GLCCI1: variants seen among roughly 807,000 people sequenced by gnomAD.
The protein encoded by GLCCI1 is glucocorticoid induced 1, also known as glucocorticoid-induced transcript 1 protein.
In GLCCI1, 24 loss-of-function variants were observed where a neutral mutation model predicts 52.2. The observed-to-expected ratio is 0.46, with a 90% CI of 0.33 to 0.65. The LOEUF (loss-of-function observed/expected upper bound fraction) is 0.65. Ranked by LOEUF, GLCCI1 falls within the 30% of genes least tolerant of loss-of-function variation. GLCCI1 has a pLI of 0.02. For missense variants in GLCCI1, 704 were observed against 701.5 expected, an observed-to-expected ratio of 1.00 and a Z score of -0.04; for synonymous variants, 310 against 276.5, an observed-to-expected ratio of 1.12 and a Z score of -1.20.
chr7:8,059,248 A>C (rs1026416409), intron 4 of GLCCI1, among the ~76,000 whole-genome samples: 11 of 152,206 alleles, frequency 7.2e-5, no homozygotes, highest in African/African-American at 1.9e-4. Context: ...ATGCATCAAT[A>C]AGAGACAAAA....
At chr7:7,994,011 G>A (rs1314772755) in intron 1 of GLCCI1, among the ~76,000 whole-genome samples, 1 of 152,052 alleles carries the variant, frequency 6.6e-6, no homozygotes, top group Non-Finnish European at 1.5e-5. Flanking sequence ...CTTTTGTTTG[G>A]CTATTGTCTT....
intron 5 of GLCCI1, among the ~76,000 whole-genome samples, chr7:8,064,703 TATTTTA>T (rs1216024716): frequency 1.3e-5 from 2 of 152,096 alleles, no homozygotes; most frequent in Non-Finnish European, 2.9e-5. Context: ...TATGGCTTTT[TATTTTA>T]TTTTTATTTT....
At chr7:8,014,487 G>A (rs1781336611) in intron 2 of GLCCI1, among the ~76,000 whole-genome samples, 1 of 152,160 alleles carries the variant, frequency 6.6e-6, no homozygotes, top group Non-Finnish European at 1.5e-5. Flanking sequence ...CAGTGAATAT[G>A]TTTGTTAATT....
intron 2 of GLCCI1, among the ~76,000 whole-genome samples, chr7:8,018,221 A>G (rs1457481388): frequency 1.3e-5 from 2 of 152,178 alleles, no homozygotes; most frequent in Non-Finnish European, 2.9e-5. Flanking sequence ...GTGATGAACC[A>G]CATAAAATAG....
chr7:7,980,591 T>G (rs1005877182), intron 1 of GLCCI1: 1 of 653,372 alleles, frequency 1.5e-6, no homozygotes. Context: ...GAGTCTATTT[T>G]TGGCCTAGGA....
At chr7:7,987,628 C>T (rs1780761651) in intron 1 of GLCCI1, among the ~76,000 whole-genome samples, 1 of 152,138 alleles carries the variant, frequency 6.6e-6, no homozygotes, top group Non-Finnish European at 1.5e-5. Context: ...CGCTCTGTTG[C>T]CCAGACTGGA....
rs193180769 is a variant in GLCCI1, at chr7:8,004,268, A to G, written c.609+209A>G. The stretch of plus-strand genomic sequence containing the variant: ...AGTTTTGAAATTCTTTAATACTTAA[A>G]TAGCACATCAGTCTATATTACATGG... On this transcript the variant is annotated intron_variant, in intron 2 of 7. Coordinates refer to ENST00000223145, the MANE Select transcript of GLCCI1 (RefSeq NM_138426.4). 17 of 490,030 alleles carry G rather than the reference A, an allele frequency of 3.5e-5. No individual in the cohort carries two copies. In the Admixed American group the frequency reaches 5.0e-4, roughly 14 times the overall value. The allele number at this position is 490,030 out of a possible 1,614,324, so 30.4% of individuals were successfully genotyped here. A position where few individuals can be genotyped will look rare whatever the true frequency, so the allele number is the denominator to read the frequency against.
intron 2 of GLCCI1, among the ~76,000 whole-genome samples, chr7:8,021,120 T>G (rs1317822211): frequency 3.3e-5 from 5 of 152,222 alleles, no homozygotes; most frequent in Admixed American, 6.5e-5. Context: ...GTTAACGGTT[T>G]TTTTGAATAT....
chr7:8,036,533 ACT>A (rs1479120411), intron 3 of GLCCI1, among the ~76,000 whole-genome samples: 1 of 152,228 alleles, frequency 6.6e-6, no homozygotes, highest in East Asian at 1.9e-4. Context: ...GATCATACTA[ACT>A]CTCCAGCAAT....
In GLCCI1 at chr7:8,031,774, C is replaced by A. The variant is rs1023736557; in HGVS notation, c.696+9205C>A. 3.3e-5 allele frequency among the ~76,000 whole-genome samples: 5 copies of A among 151,252 alleles called. No individual in the cohort carries two copies. In the East Asian group the frequency reaches 9.7e-4, roughly 29 times the overall value. On this transcript the variant is annotated intron_variant, in intron 3 of 7. Coordinates refer to ENST00000223145, the MANE Select transcript of GLCCI1 (RefSeq NM_138426.4). ...AAGATGGGAAAAGATAAAACAGTAA[C>A]AATAAGAGAGCTGGAATAGATATGT...
chr7:8,078,662 T>C (rs1051781990), intron 6 of GLCCI1: 1 of 152,062 alleles, frequency 6.6e-6, no homozygotes, highest in African/African-American at 2.4e-5. Flanking sequence ...AGGGCAAAGA[T>C]GAGGAGACAT....
intron 6 of GLCCI1, among the ~76,000 whole-genome samples, chr7:8,072,090 T>A (rs1254205421): frequency 6.6e-6 from 1 of 152,146 alleles, no homozygotes; most frequent in African/African-American, 2.4e-5. Flanking sequence ...ATATAGAAGA[T>A]TTTTATTATC....
At chr7:7,994,684 A>G (rs1158669132) in intron 1 of GLCCI1, among the ~76,000 whole-genome samples, 1 of 152,212 alleles carries the variant, frequency 6.6e-6, no homozygotes, top group Non-Finnish European at 1.5e-5. Context: ...TTTGGAGGGG[A>G]CATTCAAGTG....
At chr7:8,023,324 GC>G (rs1372174512) in intron 3 of GLCCI1, among the ~76,000 whole-genome samples, 3 of 151,998 alleles carry the variant, frequency 2.0e-5, no homozygotes, top group Non-Finnish European at 4.4e-5. Flanking sequence ...ATGATATCCA[GC>G]ATATTGTTGC....
chr7:8,031,138 A>G (rs1003833596), intron 3 of GLCCI1, among the ~76,000 whole-genome samples: 1 of 152,176 alleles, frequency 6.6e-6, no homozygotes, highest in African/African-American at 2.4e-5. Context: ...GAAGCAGCCT[A>G]AGTGTCCGTC....
chr7:7,981,939 A>G (rs12537880), intron 1 of GLCCI1: 67,195 of 443,592 alleles, frequency 0.15, 5,757 homozygotes, highest in Admixed American at 0.21. Flanking sequence ...CTCTGAAGTA[A>G]AAGAAGATGA....
At chr7:7,994,286 T>C (rs1320253193) in intron 1 of GLCCI1, among the ~76,000 whole-genome samples, 1 of 152,180 alleles carries the variant, frequency 6.6e-6, no homozygotes, top group Admixed American at 6.6e-5. Flanking sequence ...TAGAATATTA[T>C]AGCTAGTTTA....
intron 1 of GLCCI1, among the ~76,000 whole-genome samples, chr7:7,987,117 A>C (rs551972972): frequency 6.6e-6 from 1 of 152,308 alleles, no homozygotes; most frequent in Admixed American, 6.5e-5. Flanking sequence ...ATTTTAATGA[A>C]AGATTTCTGT....
rs936285037 is a variant in GLCCI1 at position 8,087,659 on chromosome 7, TTCC to T, written c.*1124_*1126del. The T allele has an allele frequency of 1.3e-4, 20 of 152,648 alleles. No homozygotes were observed. Among genetic ancestry groups the T allele is most frequent in the African/African-American group, 4.8e-4 (20 of 41,460 alleles). The allele number at this position is 152,648 out of a possible 1,614,324, so 9.5% of individuals were successfully genotyped here. The stretch of plus-strand genomic sequence containing the variant: ...AAGTGACATACTTTTTGTTATTGTC[TTCC>T]TCAAGCAGTTTAGGTGCATGATCTT... On this transcript the variant is annotated 3_prime_UTR_variant, in exon 8 of 8. Coordinates refer to ENST00000223145, the MANE Select transcript of GLCCI1 (RefSeq NM_138426.4).
Sources: gnomAD v4.1 joint callset for allele counts (sites outside exome capture counted in the v4.1 genomes callset) on GRCh38, gnomAD v4.1.1 for gene constraint, MANE v1.5 for transcripts, NCBI Gene and HGNC (gene_info 2026-07-23, HGNC 2026-07-21) for gene names.